CHRM5: variants seen among roughly 807,000 people sequenced by gnomAD.
CHRM5 encodes cholinergic receptor muscarinic 5, also known as muscarinic acetylcholine receptor M5.
CHRM5 carries 18 observed loss-of-function variants against 39.0 expected under a neutral mutation model. The ratio of observed to expected loss-of-function variants is 0.46; its 90% CI spans 0.32 to 0.68. The LOEUF (loss-of-function observed/expected upper bound fraction) is 0.68. Ranked by LOEUF, CHRM5 falls within the 30% of genes least tolerant of loss-of-function variation. CHRM5 has a pLI of 0.04. For missense variants in CHRM5, 515 were observed against 651.1 expected, an observed-to-expected ratio of 0.79 and a Z score of 2.28; for synonymous variants, 241 against 246.3, an observed-to-expected ratio of 0.98 and a Z score of 0.20.
At chr15:34,028,101 A>AC (rs891910966) in intron 1 of CHRM5, among the ~76,000 whole-genome samples, 35 of 152,054 alleles carry the variant, frequency 2.3e-4, no homozygotes, top group East Asian at 2.1e-3. Context: ...ACACAGAGAG[A>AC]CCCCCCCTCA....
At chr15:34,032,417 T>C (rs992745612) in intron 1 of CHRM5, among the ~76,000 whole-genome samples, 1 of 152,182 alleles carries the variant, frequency 6.6e-6, no homozygotes, top group Admixed American at 6.5e-5. Flanking sequence ...TATCGATTTA[T>C]GAGCGAGCTA....
chr15:34,058,186 C>T (rs950497080), intron 2 of CHRM5, among the ~76,000 whole-genome samples: 3 of 152,190 alleles, frequency 2.0e-5, no homozygotes, highest in Non-Finnish European at 4.4e-5. Context: ...ATCTTCTTTA[C>T]TTAAATTCTA....
intron 1 of CHRM5, chr15:33,991,272 CT>C (rs752626700): frequency 7.2e-5 from 11 of 152,090 alleles, no homozygotes; most frequent in Non-Finnish European, 1.0e-4. Flanking sequence ...CCTTCTAACA[CT>C]TTTCAAGGAG....
intron 1 of CHRM5, among the ~76,000 whole-genome samples, chr15:33,984,148 C>T (rs1404402619): frequency 1.3e-5 from 2 of 151,758 alleles, no homozygotes; most frequent in African/African-American, 4.8e-5. Context: ...TGTGGTATAC[C>T]AATGTTAATT....
At chr15:34,034,664 T>C (rs544266157) in intron 1 of CHRM5, among the ~76,000 whole-genome samples, 2 of 152,260 alleles carry the variant, frequency 1.3e-5, no homozygotes, top group East Asian at 1.9e-4. Context: ...TGTGTTGATA[T>C]TGAAAATATG....
chr15:34,027,932 T>C (rs1432856623), intron 1 of CHRM5, among the ~76,000 whole-genome samples: 2 of 151,838 alleles, frequency 1.3e-5, no homozygotes, highest in Non-Finnish European at 2.9e-5. Flanking sequence ...CTGGAAGATA[T>C]ACACATGTCC....
At chr15:33,977,433 T>C (rs1472348798) in intron 1 of CHRM5, among the ~76,000 whole-genome samples, 1 of 152,196 alleles carries the variant, frequency 6.6e-6, no homozygotes, top group African/African-American at 2.4e-5. Context: ...CATAAAATAC[T>C]GCATATTATA....
intron 1 of CHRM5, among the ~76,000 whole-genome samples, chr15:34,008,457 A>T (rs1897467831): frequency 6.6e-6 from 1 of 150,888 alleles, no homozygotes; most frequent in Non-Finnish European, 1.5e-5. Context: ...ATAATGCCTG[A>T]AAACTTCCCA....
At chr15:34,018,114 T>TA (rs1001176651) in intron 1 of CHRM5, 2 of 152,208 alleles carry the variant, frequency 1.3e-5, no homozygotes, top group Admixed American at 1.3e-4. Flanking sequence ...ACTTACTTCT[T>TA]AAAAAAGCTA....
chr15:34,046,385 T>C (rs73389919), intron 1 of CHRM5, among the ~76,000 whole-genome samples, 155 bp from the exon 2 acceptor site: 2,544 of 150,042 alleles, frequency 0.017, 85 homozygotes, highest in African/African-American at 0.06. Flanking sequence ...AGAAAATCTC[T>C]AAAGGCTAAT....
At chr15:33,973,165 TGTC>T (rs999874231) in intron 1 of CHRM5, among the ~76,000 whole-genome samples, 5 of 152,236 alleles carry the variant, frequency 3.3e-5, no homozygotes, top group Admixed American at 1.3e-4. Flanking sequence ...GTCACACTGT[TGTC>T]ATCATCAGAC....
intron 2 of CHRM5, among the ~76,000 whole-genome samples, chr15:34,052,699 C>A (rs2576307): frequency 0.15 from 23,076 of 152,050 alleles, 2,059 homozygotes; most frequent in South Asian, 0.27. Context: ...TATACATCAA[C>A]AACAGGAAAG....
chr15:34,014,397 C>A lies in CHRM5; in HGVS notation c.-407-32143C>A, dbSNP rs1304159770. Among the ~76,000 whole-genome samples, 153 of 105,242 alleles carry A rather than the reference C, an allele frequency of 1.5e-3. 4 individuals carry two copies. The highest frequency in any genetic ancestry group is 7.8e-3 in the African/African-American group (139 of 17,770). The allele number at this position is 105,242 out of a possible 152,430, so 69.0% of individuals were successfully genotyped here. ...AAAAAAAAAAAAACAAAAACAAAAA[C>A]CACGTTTGAGGATTCTGGGAAGATG... On this transcript the variant is annotated intron_variant, in intron 1 of 2. Transcript: ENST00000383263.
At chr15:34,061,979 C>T (rs1439718442) in intron 2 of CHRM5, among the ~76,000 whole-genome samples, 2 of 152,110 alleles carry the variant, frequency 1.3e-5, no homozygotes, top group African/African-American at 4.8e-5. Context: ...GGGTTTCAGC[C>T]CTTATGATCA....
chr15:34,048,864 C>T (rs1899825517), intron 2 of CHRM5, among the ~76,000 whole-genome samples: 1 of 152,190 alleles, frequency 6.6e-6, no homozygotes, highest in Non-Finnish European at 1.5e-5. Flanking sequence ...TGCTGTTTTG[C>T]ATACCTGGTG....
At chr15:34,024,947 C>T (rs1898386986) in intron 1 of CHRM5, among the ~76,000 whole-genome samples, 1 of 151,794 alleles carries the variant, frequency 6.6e-6, no homozygotes, top group South Asian at 2.1e-4. Context: ...CTTTGGGAGG[C>T]CAAGGCAGGT....
intron 1 of CHRM5, among the ~76,000 whole-genome samples, chr15:34,015,002 C>A (rs1897820209): frequency 6.6e-6 from 1 of 152,082 alleles, no homozygotes; most frequent in African/African-American, 2.4e-5. Context: ...CACTTCAAGA[C>A]AACAGAAGAC....
chr15:34,031,320 G>A (rs774430105), intron 1 of CHRM5, among the ~76,000 whole-genome samples: 22 of 151,728 alleles, frequency 1.4e-4, no homozygotes, highest in Non-Finnish European at 2.1e-4. Context: ...GATTACAGGC[G>A]CATGCCACCA....
chr15:34,017,008 G>A (rs59513231), intron 1 of CHRM5, among the ~76,000 whole-genome samples: 7,821 of 73,964 alleles, frequency 0.11, 663 homozygotes, highest in African/African-American at 0.2. Flanking sequence ...GCACATCCCT[G>A]TAGTCCAAGC....
Sources: gnomAD v4.1 joint callset for allele counts (sites outside exome capture counted in the v4.1 genomes callset) on GRCh38, gnomAD v4.1.1 for gene constraint, MANE v1.5 for transcripts, NCBI Gene and HGNC (gene_info 2026-07-23, HGNC 2026-07-21) for gene names.